Variants in TTLL7 observed in about 807,000 individuals in gnomAD.
The protein encoded by TTLL7 is tubulin tyrosine ligase like 7.
Under a neutral mutation model 120.2 loss-of-function variants are expected in TTLL7, and 53 were observed. That is an observed-to-expected ratio of 0.44 (90% CI 0.35 to 0.55). The LOEUF (loss-of-function observed/expected upper bound fraction) is 0.55. Among genes scored for constraint, TTLL7 ranks in the 20% least tolerant of loss-of-function variants. TTLL7 has a pLI of 0.00. For synonymous variants in TTLL7, 353 were observed against 351.7 expected (o/e 1.00, Z -0.04); for missense variants, 803 against 1,054.7 (o/e 0.76, Z 3.31).
chr1:83,943,664 G>A (rs909775854), intron 6 of TTLL7, among the ~76,000 whole-genome samples: 14 of 152,198 alleles, frequency 9.2e-5, no homozygotes, highest in Non-Finnish European at 2.1e-4. Flanking sequence ...AACAAATTGC[G>A]TAGAGGGGGA....
At chr1:83,965,974 T>A (rs1281431681) in intron 1 of TTLL7, among the ~76,000 whole-genome samples, 1 of 152,112 alleles carries the variant, frequency 6.6e-6, no homozygotes, top group African/African-American at 2.4e-5. Context: ...TAATTAAGAT[T>A]ATGAATAAAG....
intron 18 of TTLL7, among the ~76,000 whole-genome samples, chr1:83,899,389 G>A (rs1039945716): frequency 4.6e-5 from 7 of 151,842 alleles, no homozygotes; most frequent in Admixed American, 4.6e-4. Context: ...TTTAAATCCT[G>A]GGCTTCCACT....
chr1:83,956,797 C>G (rs1047751969), intron 1 of TTLL7, among the ~76,000 whole-genome samples: 6 of 152,270 alleles, frequency 3.9e-5, no homozygotes, highest in African/African-American at 1.4e-4. Flanking sequence ...GCCACTTGAG[C>G]AAACCAACAG....
At chr1:83,982,195 T>C (rs1173214974) in intron 1 of TTLL7, among the ~76,000 whole-genome samples, 4 of 152,208 alleles carry the variant, frequency 2.6e-5, no homozygotes, top group Non-Finnish European at 4.4e-5. Flanking sequence ...CCATGAATCA[T>C]ATTTTTTTGA....
At chr1:83,937,785 G>A in intron 8 of TTLL7, 67 bp downstream of exon 8, 1 of 1,570,882 alleles carries the variant, frequency 6.4e-7, no homozygotes, top group East Asian at 2.2e-5. Context: ...GAACTTTCAT[G>A]GCCTGACAAT....
intron 18 of TTLL7, 102 bp from the exon 19 acceptor site, chr1:83,890,583 T>C (rs746930178): frequency 6.9e-5 from 61 of 878,286 alleles, no homozygotes; most frequent in Non-Finnish European, 1.0e-4. Flanking sequence ...GCCTGGGCAA[T>C]ATAGTGAGAA....
chr1:83,904,446 C>A (rs1657017011), intron 17 of TTLL7, among the ~76,000 whole-genome samples: 2 of 151,932 alleles, frequency 1.3e-5, no homozygotes, highest in African/African-American at 4.8e-5. Flanking sequence ...ACCAGCCTGG[C>A]CAATATGGCA....
intron 1 of TTLL7, among the ~76,000 whole-genome samples, chr1:83,960,151 T>G (rs930884424): frequency 6.6e-6 from 1 of 152,182 alleles, no homozygotes; most frequent in African/African-American, 2.4e-5. Flanking sequence ...TACTTTTGCT[T>G]GAATCATTAT....
chr1:83,942,509 A>G lies in TTLL7; in HGVS notation c.677T>C (p.Val226Ala), dbSNP rs770446371. Residue 226 changes from valine (V) to alanine (A), a missense_variant, in exon 7 of 21, where the codon GTG (valine) becomes GCG (alanine). Transcript: ENST00000260505. The stretch of plus-strand genomic sequence containing the variant: ...AATGTACTTCTCTGTACCCATTCGC[A>G]CAAGCCCATCATGGTAGAGAAATAT... ...LKIFLYHDGLVRMGTEKYIPP... is the reference protein window; with the variant it reads ...LKIFLYHDGLARMGTEKYIPP... The G allele has an allele frequency of 6.2e-7, 1 of 1,614,076 alleles. No individual in the cohort carries two copies. The highest frequency in any genetic ancestry group is 8.5e-7 in the Non-Finnish European group (1 of 1,179,946).
chr1:83,889,640 A>C (rs1454917422), intron 19 of TTLL7, among the ~76,000 whole-genome samples: 1 of 152,106 alleles, frequency 6.6e-6, no homozygotes, highest in African/African-American at 2.4e-5. Flanking sequence ...CATCTCACAC[A>C]ATAAGTAATA....
chr1:83,899,943 A>G (rs186081781), intron 18 of TTLL7, among the ~76,000 whole-genome samples: 36 of 152,144 alleles, frequency 2.4e-4, no homozygotes, highest in African/African-American at 7.7e-4. Context: ...AGTATCAAAG[A>G]AGTAGATATA....
Position 83,866,218 on chromosome 1 carries a change from T to C in TTLL7, c.*3744A>G, listed in dbSNP as rs1026541155. 6.6e-6 allele frequency: 1 copy of C among 151,902 alleles called. No individual in the cohort carries two copies. The highest frequency in any genetic ancestry group is 6.6e-5 in the Admixed American group (1 of 15,250). 9.4% of individuals were successfully genotyped at this position (151,902 alleles called of 1,614,324 possible). ...CACATTTAAGAATGAATCAATGTTT[T>C]TTAGAAAATCAAATAATGGCATTTC... On this transcript the variant is annotated 3_prime_UTR_variant, in exon 21 of 21. Coordinates refer to ENST00000260505, the MANE Select transcript of TTLL7 (RefSeq NM_024686.6).
intron 1 of TTLL7, among the ~76,000 whole-genome samples, chr1:83,956,612 T>G (rs1649542397): frequency 6.6e-6 from 1 of 152,152 alleles, no homozygotes; most frequent in South Asian, 2.1e-4. Flanking sequence ...GTATTTTTAG[T>G]AGAGACGAGG....
chr1:83,950,990 T>C (rs944856383), intron 3 of TTLL7, among the ~76,000 whole-genome samples: 1 of 152,146 alleles, frequency 6.6e-6, no homozygotes, highest in African/African-American at 2.4e-5. Flanking sequence ...AGACACTGCC[T>C]GCAGCATCTC....
chr1:83,869,952 C>T lies in TTLL7; in HGVS notation c.*10G>A, dbSNP rs771277851. The T allele has an allele frequency of 5.6e-6, 9 of 1,593,730 alleles. No homozygotes were observed. The Admixed American group carries it at 1.3e-4, about 23-fold the overall frequency. Reference sequence around the variant, plus strand: ...GTTATGTATAACCAATGGCGATCTTCCCTTCTGTTTCACAGATGGCCATAT... The same window carrying T: ...GTTATGTATAACCAATGGCGATCTTTCCTTCTGTTTCACAGATGGCCATAT... On this transcript the variant is annotated 3_prime_UTR_variant, in exon 21 of 21. Coordinates refer to ENST00000260505, the MANE Select transcript of TTLL7 (RefSeq NM_024686.6).
rs1557617271 is a variant in TTLL7, at chr1:83,911,209, T to A, written c.1742A>T (p.Tyr581Phe). ...GTAGTGGTTGGAGGGTTTAAGATTA[T>A]ATGTAACTTGCTTTTCTCTTTTCTT... ...QNKKREKQVT[Y>F]NLKPSNHYKL... The change falls in exon 15 of 21, where the codon TAT (tyrosine) becomes TTT (phenylalanine). Residue 581 changes from tyrosine (Y) to phenylalanine (F), a missense_variant. Coordinates refer to ENST00000260505, the MANE Select transcript of TTLL7 (RefSeq NM_024686.6). 6.2e-7 allele frequency: 1 copy of A among 1,613,204 alleles called. No homozygotes were observed. The highest frequency in any genetic ancestry group is 8.5e-7 in the Non-Finnish European group (1 of 1,179,380).
rs143549432 is a variant in TTLL7, at chr1:83,908,604, T to G, written c.1787-943A>C. Among the ~76,000 whole-genome samples the G allele has an allele frequency of 4.5e-3, 688 of 152,204 alleles. 10 individuals carry two copies. Among genetic ancestry groups the G allele is most frequent in the African/African-American group, 0.016 (657 of 41,562 alleles). ...AACACCTAATAAAGAAAACCAACTG[T>G]TCCAGATAAATTTTGACTCCTGACA... On this transcript the variant is annotated intron_variant, in intron 15 of 20. Coordinates refer to ENST00000260505, the MANE Select transcript of TTLL7 (RefSeq NM_024686.6).
At chr1:83,968,961 A>G (rs1650731534) in intron 1 of TTLL7, among the ~76,000 whole-genome samples, 1 of 152,058 alleles carries the variant, frequency 6.6e-6, no homozygotes, top group Non-Finnish European at 1.5e-5. Context: ...TTGAATACAG[A>G]AATTTCTTCT....
At chr1:83,908,985 C>T (rs1204297102) in intron 15 of TTLL7, among the ~76,000 whole-genome samples, 1 of 151,670 alleles carries the variant, frequency 6.6e-6, no homozygotes, top group African/African-American at 2.4e-5. Flanking sequence ...AAACTGTCAC[C>T]ACTTTTCAAA....
Sources: allele counts gnomAD v4.1 joint callset (sites outside exome capture counted in the v4.1 genomes callset), GRCh38; gene constraint gnomAD v4.1.1; transcripts MANE v1.5; gene names NCBI Gene and HGNC (gene_info 2026-07-23, HGNC 2026-07-21).